SEM1: variants seen among roughly 807,000 people sequenced by gnomAD.
The protein encoded by SEM1 is 26S proteasome complex subunit SEM1.
A neutral mutation model predicts 12.7 loss-of-function variants in SEM1; 3 were observed. The ratio of observed to expected loss-of-function variants is 0.24; its 90% CI spans 0.11 to 0.61. The LOEUF is 0.61. Ranked by LOEUF, SEM1 falls within the 20% of genes least tolerant of loss-of-function variation. SEM1 has a pLI of 0.88. For synonymous variants in SEM1, 30 were observed against 27.8 expected (o/e 1.08, Z -0.25); for missense variants, 59 against 81.3 (o/e 0.73, Z 1.06).
At chr7:96,564,590 C>A (rs1441239844) in intron 2 of SEM1, among the ~76,000 whole-genome samples, 8 of 151,912 alleles carry the variant, frequency 5.3e-5, no homozygotes, top group Non-Finnish European at 1.5e-5. Context: ...AATGTGATGG[C>A]TGGGGCTTCT....
intron 2 of SEM1, among the ~76,000 whole-genome samples, chr7:96,630,905 C>T (rs1374477037): frequency 6.6e-6 from 1 of 152,142 alleles, no homozygotes; most frequent in Non-Finnish European, 1.5e-5. Flanking sequence ...CTCTTCTGGT[C>T]TCAGGTATGT....
At chr7:96,499,578 T>C (rs1337263862), upstream of SEM1, among the ~76,000 whole-genome samples, 1 of 152,180 alleles carries the variant, frequency 6.6e-6, no homozygotes, top group Admixed American at 6.5e-5. Flanking sequence ...CTGTGCACAT[T>C]CTAAGTTAAA....
At chr7:96,498,312 C>T (rs1240527628), upstream of SEM1, among the ~76,000 whole-genome samples, 2 of 152,082 alleles carry the variant, frequency 1.3e-5, no homozygotes, top group Non-Finnish European at 2.9e-5. Context: ...TATTGAAATT[C>T]GTAGAGAATC....
At chr7:96,621,292 G>C (rs1486395885), downstream of SEM1, among the ~76,000 whole-genome samples, 6 of 152,100 alleles carry the variant, frequency 3.9e-5, 1 homozygote, top group South Asian at 1.2e-3. Context: ...ATTGGTCTTT[G>C]CAGCATCCAC....
chr7:96,552,840 A>T (rs1805331786), intron 2 of SEM1, among the ~76,000 whole-genome samples: 1 of 150,860 alleles, frequency 6.6e-6, no homozygotes, highest in African/African-American at 2.4e-5. Context: ...ATTTCTCCAC[A>T]TCCTCTCCAG....
chr7:96,545,890 T>C (rs1351242571), intron 2 of SEM1, among the ~76,000 whole-genome samples: 1 of 152,100 alleles, frequency 6.6e-6, no homozygotes, highest in East Asian at 1.9e-4. Context: ...ATAGTTGATA[T>C]AGCAATGCTA....
chr7:96,508,283 A>T (rs1389768759), intron 2 of SEM1, among the ~76,000 whole-genome samples: 2 of 152,142 alleles, frequency 1.3e-5, no homozygotes, highest in Non-Finnish European at 2.9e-5. Flanking sequence ...TGTATTGCTC[A>T]TATGATACAA....
chr7:96,492,872 G>C (rs115530509), intron 1 of SEM1, among the ~76,000 whole-genome samples: 1,884 of 151,910 alleles, frequency 0.012, 46 homozygotes, highest in African/African-American at 0.043. Flanking sequence ...TGTGAATCAT[G>C]CTGCTCTGTG....
At chr7:96,567,216 T>C (rs550108648) in intron 2 of SEM1, among the ~76,000 whole-genome samples, 13 of 151,750 alleles carry the variant, frequency 8.6e-5, no homozygotes, top group East Asian at 5.8e-4. Context: ...TATATCATTA[T>C]ATTTCTTCAA....
At position 96,688,928 on chromosome 7, in the gene SEM1, G is replaced by C; in HGVS notation, c.209C>G (p.Ser70Ter). The C allele has an allele frequency of 1.3e-6, 2 of 1,593,638 alleles. No homozygotes were observed. The highest frequency in any genetic ancestry group is 8.6e-7 in the Non-Finnish European group (1 of 1,163,086). Residue 70 changes from serine (S) to a stop codon, truncating the protein, a stop_gained, in exon 3 of 3, where the codon TCA becomes TGA. Transcript: ENST00000248566. LOFTEE classifies it high-confidence loss of function. The part of the protein sequence containing the change: ...LEKHGYKMET[S>*] ...CTTCAACACTTCTTCTGGATGCTAT[G>C]AAGTCTCCATCTTATAACCATGTTT...
exon 4 of SEM1, chr7:96,481,846 G>A (rs1802555500): frequency 6.6e-6 from 1 of 152,048 alleles, no homozygotes; most frequent in Admixed American, 6.6e-5. Context: ...CACATATGAT[G>A]CATGCATGCA....
chr7:96,667,388 GTT>G (rs1174115108), intron 2 of SEM1, among the ~76,000 whole-genome samples: 4 of 152,144 alleles, frequency 2.6e-5, no homozygotes, highest in African/African-American at 4.8e-5. Context: ...CCTTGTCTCA[GTT>G]TTTCTATCAG....
At chr7:96,705,406 A>G (rs1165599397) in intron 1 of SEM1, among the ~76,000 whole-genome samples, 5 of 152,184 alleles carry the variant, frequency 3.3e-5, no homozygotes, top group Non-Finnish European at 5.9e-5. Flanking sequence ...GAAGAGAATA[A>G]AAGAATCTAA....
chr7:96,646,825 T>G (rs1237058183), intron 2 of SEM1, among the ~76,000 whole-genome samples: 6 of 152,208 alleles, frequency 3.9e-5, no homozygotes, highest in Admixed American at 1.3e-4. Flanking sequence ...GTTAATAGCT[T>G]CTGAGAGGGT....
intron 2 of SEM1, among the ~76,000 whole-genome samples, chr7:96,520,504 A>G (rs145218355): frequency 5.8e-4 from 88 of 152,242 alleles, no homozygotes; most frequent in African/African-American, 2.1e-3. Flanking sequence ...CTTTATTTTC[A>G]GTTCACACCT....
chr7:96,708,706 G>A (rs914979610), intron 1 of SEM1, among the ~76,000 whole-genome samples: 1 of 152,184 alleles, frequency 6.6e-6, no homozygotes, highest in African/African-American at 2.4e-5. Flanking sequence ...AGGTTTCCCA[G>A]TTCCAGTTCT....
chr7:96,615,241 C>CTTTTTTTTTTTTTTTTTTTTTTTTT lies in SEM1; in HGVS notation c.170+79556_170+79557insAAAAAAAAAAAAAAAAAAAAAAAAA, dbSNP rs60940244. Among the ~76,000 whole-genome samples, 7 of 126,458 alleles carry CTTTTTTTTTTTTTTTTTTTTTTTTT rather than the reference C, an allele frequency of 5.5e-5. 1 individual carries two copies. The highest frequency in any genetic ancestry group is 2.2e-4 in the African/African-American group (7 of 31,550). The allele number at this position is 126,458 out of a possible 152,430, so 83.0% of individuals were successfully genotyped here. On this transcript the variant is annotated intron_variant and NMD_transcript_variant, in intron 2 of 3. Coordinates refer to the SEM1 transcript ENST00000466986. ...ACTGTTGGGTTATTTTTTGAGTCAT[C>CTTTTTTTTTTTTTTTTTTTTTTTTT]TTTTTTTTTTTTTTTTTTTTTTTTG...
intron 2 of SEM1, among the ~76,000 whole-genome samples, chr7:96,541,734 A>G (rs1804961520): frequency 6.6e-6 from 1 of 151,732 alleles, no homozygotes; most frequent in East Asian, 1.9e-4. Flanking sequence ...GAAGTTTTAT[A>G]TTTAAACCTG....
intron 2 of SEM1, among the ~76,000 whole-genome samples, chr7:96,533,321 C>G (rs1804693533): frequency 1.3e-5 from 2 of 151,956 alleles, no homozygotes; most frequent in African/African-American, 4.8e-5. Flanking sequence ...CCCTAAAAAG[C>G]AATTTTCTCC....
Sources: gnomAD v4.1 joint callset for allele counts (sites outside exome capture counted in the v4.1 genomes callset) on GRCh38, gnomAD v4.1.1 for gene constraint, MANE v1.5 for transcripts, NCBI Gene and HGNC (gene_info 2026-07-23, HGNC 2026-07-21) for gene names.